Variants in CYSLTR2 observed in about 807,000 individuals in gnomAD.
The protein encoded by CYSLTR2 is G-protein coupled receptor GPCR21.
For missense variants in CYSLTR2, 398 were observed against 411.9 expected (o/e 0.97, Z 0.29); for synonymous variants, 179 against 160.8 (o/e 1.11, Z -0.86).
intron 1 of CYSLTR2, among the ~76,000 whole-genome samples, chr13:48,681,979 A>G (rs974921169): frequency 2.0e-5 from 3 of 152,206 alleles, no homozygotes; most frequent in African/African-American, 7.2e-5. Flanking sequence ...AGTAGGTTCT[A>G]TATGGCCATG....
In CYSLTR2 at chr13:48,665,202, A is replaced by AC. The variant is rs1296347808; in HGVS notation, c.-266+11185_-266+11186insC. Among the ~76,000 whole-genome samples the AC allele has an allele frequency of 2.0e-5, 3 of 152,216 alleles. No individual in the cohort carries two copies. In the East Asian group the frequency reaches 5.8e-4, roughly 29 times the overall value. On this transcript the variant is annotated intron_variant, in intron 1 of 4. Coordinates refer to ENST00000682523, the MANE Select transcript of CYSLTR2 (RefSeq NM_001308476.3). ...TCGGTATGATTTTGATTCTTAAAAA[A>AC]ATTTTTTTGAGACTTGTTTTGTGTC...
At chr13:48,670,128 T>C (rs1403948848) in intron 1 of CYSLTR2, among the ~76,000 whole-genome samples, 1 of 152,230 alleles carries the variant, frequency 6.6e-6, no homozygotes, top group Non-Finnish European at 1.5e-5. Flanking sequence ...TGGGGTTTTT[T>C]GTTTTTTCTT....
At chr13:48,689,204 G>A (rs1051604945) in intron 1 of CYSLTR2, among the ~76,000 whole-genome samples, 1 of 152,124 alleles carries the variant, frequency 6.6e-6, no homozygotes, top group African/African-American at 2.4e-5. Flanking sequence ...CATTCTGTAG[G>A]TTGCCTGTTC....
chr13:48,693,219 A>G (rs545295305), intron 2 of CYSLTR2, among the ~76,000 whole-genome samples: 27 of 152,094 alleles, frequency 1.8e-4, no homozygotes, highest in African/African-American at 5.8e-4. Flanking sequence ...AAAAAAATTT[A>G]ACTTTGGCCT....
rs1216411623 is a variant in CYSLTR2 at position 48,706,921 on chromosome 13, A to G, written c.104A>G (p.Asn35Ser). The change falls in exon 5 of 5, where the codon AAC (asparagine) becomes AGC (serine). Residue 35 changes from asparagine to serine, a missense_variant. By Grantham distance (46) the Asn-to-Ser change is conservative. Coordinates refer to ENST00000682523, the MANE Select transcript of CYSLTR2 (RefSeq NM_001308476.3). ...AACAGCAGGAACTGCACAATTGAAA[A>G]CTTCAAGAGAGAATTTTTCCCAATT... is the stretch of plus-strand genomic sequence containing the variant. The part of the protein sequence containing the change: ...NNNSRNCTIE[N>S]FKREFFPIVY... 5 of 1,614,042 alleles carry G rather than the reference A, an allele frequency of 3.1e-6. No individual in the cohort carries two copies. Among genetic ancestry groups the G allele is most frequent in the African/African-American group, 1.3e-5 (1 of 74,914 alleles).
chr13:48,686,562 T>A (rs1055528845), intron 1 of CYSLTR2, among the ~76,000 whole-genome samples: 3 of 152,196 alleles, frequency 2.0e-5, no homozygotes, highest in Admixed American at 6.5e-5. Context: ...AATGAAAATA[T>A]GTCCCGCAAA....
chr13:48,679,082 C>T (rs1286225450), intron 1 of CYSLTR2, among the ~76,000 whole-genome samples: 3 of 152,274 alleles, frequency 2.0e-5, no homozygotes, highest in South Asian at 2.1e-4. Context: ...TCTGCCCACC[C>T]ATCCTCCTTG....
At chr13:48,704,200 C>A (rs975953448) in intron 4 of CYSLTR2, among the ~76,000 whole-genome samples, 4 of 151,940 alleles carry the variant, frequency 2.6e-5, no homozygotes, top group Non-Finnish European at 5.9e-5. Flanking sequence ...AATTTTAATT[C>A]ATTATTGACT....
intron 1 of CYSLTR2, among the ~76,000 whole-genome samples, chr13:48,682,711 A>G (rs1162854331): frequency 1.3e-5 from 2 of 152,186 alleles, no homozygotes; most frequent in Non-Finnish European, 2.9e-5. Flanking sequence ...CCACAGAACT[A>G]ATAGGGAACT....
intron 3 of CYSLTR2, among the ~76,000 whole-genome samples, chr13:48,693,911 A>G (rs1954099782): frequency 6.6e-6 from 1 of 152,218 alleles, no homozygotes; most frequent in Non-Finnish European, 1.5e-5. Flanking sequence ...TTTATATTAA[A>G]AGTTCCTCAA....
intron 1 of CYSLTR2, among the ~76,000 whole-genome samples, chr13:48,662,669 C>G (rs1953160278): frequency 6.6e-6 from 1 of 152,042 alleles, no homozygotes; most frequent in African/African-American, 2.4e-5. Flanking sequence ...TGTGAAATGT[C>G]TGTTTAAATC....
chr13:48,678,536 C>T (rs754172354), intron 1 of CYSLTR2, among the ~76,000 whole-genome samples: 3 of 152,094 alleles, frequency 2.0e-5, no homozygotes, highest in Non-Finnish European at 4.4e-5. Flanking sequence ...CTCTCCACTC[C>T]TCTGGCTTCA....
At chr13:48,671,129 T>C (rs1325195603) in intron 1 of CYSLTR2, among the ~76,000 whole-genome samples, 1 of 152,244 alleles carries the variant, frequency 6.6e-6, no homozygotes. Flanking sequence ...CATTGATTTG[T>C]TTCCTGAGAC....
intron 4 of CYSLTR2, among the ~76,000 whole-genome samples, chr13:48,697,575 A>T (rs1249775125): frequency 1.3e-5 from 2 of 152,208 alleles, no homozygotes; most frequent in Non-Finnish European, 2.9e-5. Context: ...AGAGCAGAAA[A>T]GCTGAAAATT....
intron 1 of CYSLTR2, among the ~76,000 whole-genome samples, chr13:48,670,715 G>A (rs1243856695): frequency 1.3e-5 from 2 of 152,128 alleles, no homozygotes; most frequent in Non-Finnish European, 2.9e-5. Flanking sequence ...ATAGTGTTAT[G>A]CCTCCAGCTT....
At chr13:48,689,830 G>A (rs551427590) in intron 1 of CYSLTR2, among the ~76,000 whole-genome samples, 12 of 151,980 alleles carry the variant, frequency 7.9e-5, no homozygotes, top group Non-Finnish European at 1.6e-4. Context: ...CACTGAATGT[G>A]TAAATTACTT....
At chr13:48,666,216 T>G (rs921677395) in intron 1 of CYSLTR2, among the ~76,000 whole-genome samples, 1 of 152,116 alleles carries the variant, frequency 6.6e-6, no homozygotes. Context: ...ATGTTGAATT[T>G]ATCATCCCAA....
At chr13:48,701,810 G>T (rs1198956014) in intron 4 of CYSLTR2, among the ~76,000 whole-genome samples, 1 of 152,216 alleles carries the variant, frequency 6.6e-6, no homozygotes, top group East Asian at 1.9e-4. Context: ...TACACTGTTG[G>T]TGGGACTGTA....
chr13:48,674,131 T>C (rs1302304820), intron 1 of CYSLTR2, among the ~76,000 whole-genome samples: 1 of 152,172 alleles, frequency 6.6e-6, no homozygotes, highest in Non-Finnish European at 1.5e-5. Flanking sequence ...AGTATCTTAG[T>C]GGTGTTCTCT....
Sources: allele counts gnomAD v4.1 joint callset (sites outside exome capture counted in the v4.1 genomes callset), GRCh38; gene constraint gnomAD v4.1.1; transcripts MANE v1.5; gene names NCBI Gene and HGNC (gene_info 2026-07-23, HGNC 2026-07-21).